Variants in SIN3B observed in about 807,000 individuals in gnomAD.
The protein encoded by SIN3B is paired amphipathic helix protein Sin3b.
Under a neutral mutation model 120.2 loss-of-function variants are expected in SIN3B, and 19 were observed. The ratio of observed to expected loss-of-function variants is 0.16; its 90% CI spans 0.11 to 0.23. SIN3B has a LOEUF of 0.23. SIN3B is among the 10% of genes least tolerant of loss of function. SIN3B has a pLI of 1.00. For synonymous variants in SIN3B, 654 were observed against 653.2 expected, an observed-to-expected ratio of 1.00 and a Z score of -0.02; for missense variants, 1,073 against 1,573.0, an observed-to-expected ratio of 0.68 and a Z score of 5.38.
intron 4 of SIN3B, among the ~76,000 whole-genome samples, chr19:16,844,813 G>T (rs1292922596): frequency 2.0e-5 from 3 of 152,236 alleles, no homozygotes. Flanking sequence ...CTGGTTTGTG[G>T]ATCTGGTGGC....
chr19:16,830,197 T>G (rs903371261), intron 2 of SIN3B, among the ~76,000 whole-genome samples: 1 of 152,212 alleles, frequency 6.6e-6, no homozygotes, highest in Non-Finnish European at 1.5e-5. Context: ...GATTTTTATA[T>G]TAGTTTTGTT....
chr19:16,832,160 C>G (rs894944429), intron 3 of SIN3B, among the ~76,000 whole-genome samples: 66 of 151,180 alleles, frequency 4.4e-4, no homozygotes, highest in African/African-American at 1.6e-3. Flanking sequence ...TGCTTTGGTC[C>G]CTTTTTTCTT....
At chr19:16,877,075 C>T (rs1051301775) in intron 16 of SIN3B, 10 of 190,726 alleles carry the variant, frequency 5.2e-5, no homozygotes, top group South Asian at 3.5e-4. Flanking sequence ...CTGCAGCTCC[C>T]GGCACCTGCC....
chr19:16,875,019 G>C (rs1365589093), intron 14 of SIN3B, among the ~76,000 whole-genome samples: 2 of 151,100 alleles, frequency 1.3e-5, no homozygotes, highest in Non-Finnish European at 2.9e-5. Flanking sequence ...GTTTTGGTTT[G>C]GTCTGGTTTG....
In SIN3B at chr19:16,831,527, G is replaced by T; in HGVS notation, c.261G>T (p.Ser87=). The T allele has an allele frequency of 6.2e-7, 1 of 1,613,980 alleles. No homozygotes were observed. The highest frequency in any genetic ancestry group is 2.2e-5 in the East Asian group (1 of 44,874). The change falls in exon 3 of 19, where the codon TCG becomes TCT. Residue 87 remains serine, a synonymous_variant. Transcript: ENST00000248054. The part of the protein sequence containing the change: ...IDTPGVIRRV[S]QLFHEHPDLI... ...CTCCTGGAGTCATCAGACGTGTCTCGCAGCTCTTCCACGAGCACCCTGACC... is the reference window on the plus strand; with the variant it reads ...CTCCTGGAGTCATCAGACGTGTCTCTCAGCTCTTCCACGAGCACCCTGACC...
At chr19:16,832,907 C>T (rs1160954516) in intron 3 of SIN3B, among the ~76,000 whole-genome samples, 3 of 152,180 alleles carry the variant, frequency 2.0e-5, no homozygotes, top group South Asian at 2.1e-4. Flanking sequence ...TGACCATTGT[C>T]ATTTTTTCCA....
Position 16,876,469 on chromosome 19 carries a change from G to T in SIN3B, c.2767-17G>T, listed in dbSNP as rs2051609184. 1.9e-6 allele frequency: 3 copies of T among 1,608,944 alleles called. No homozygotes were observed. In the African/African-American group the frequency reaches 4.0e-5, roughly 21 times the overall value. On this transcript the variant is annotated splice_polypyrimidine_tract_variant and intron_variant, in intron 15 of 18. Coordinates refer to ENST00000248054, the MANE Select transcript of SIN3B (RefSeq NM_001297595.2). The surrounding 1 kb of genome is among the most constrained non-coding windows in gnomAD (Gnocchi z 7.1). Reference sequence around the variant, plus strand: ...GCTGTGCCGGCAGTGGAGGCTGTCAGCGTTCCTGCTCCGCAGGTGATGTTC... The same window carrying T: ...GCTGTGCCGGCAGTGGAGGCTGTCATCGTTCCTGCTCCGCAGGTGATGTTC...
At chr19:16,875,418 T>G (rs936991835) in intron 14 of SIN3B, among the ~76,000 whole-genome samples, 2 of 143,998 alleles carry the variant, frequency 1.4e-5, no homozygotes, top group Admixed American at 1.4e-4. Context: ...TGGTCTGGTC[T>G]GGTCTGTTTG....
At chr19:16,850,670 A>C (rs1327467448) in intron 5 of SIN3B, among the ~76,000 whole-genome samples, 1 of 152,128 alleles carries the variant, frequency 6.6e-6, no homozygotes, top group Non-Finnish European at 1.5e-5. Context: ...AGAACGTTGT[A>C]GGGCCTCTCC....
In SIN3B at chr19:16,829,483, G is replaced by T; in HGVS notation, c.63G>T (p.Leu21=). 1 of 1,220,458 alleles carries T rather than the reference G, an allele frequency of 8.2e-7. No individual in the cohort carries two copies. Among genetic ancestry groups the T allele is most frequent in the Non-Finnish European group, 1.0e-6 (1 of 980,434 alleles). The allele number at this position is 1,220,458 out of a possible 1,614,324, so 75.6% of individuals were successfully genotyped here. A position where few individuals can be genotyped will look rare whatever the true frequency, so the allele number is the denominator to read the frequency against. Reference sequence around the variant, plus strand: ...CCGGCGGCCCCGCGGGCCGGGGGCTGAGCGGCGCCCGCTGGGGTCGCTCGG... The same window carrying T: ...CCGGCGGCCCCGCGGGCCGGGGGCTTAGCGGCGCCCGCTGGGGTCGCTCGG... ...SGAGGPAGRG[L]SGARWGRSGS... The change falls in exon 1 of 19, where the codon CTG becomes CTT. Residue 21 remains leucine (L), a synonymous_variant. Coordinates refer to ENST00000248054, the MANE Select transcript of SIN3B (RefSeq NM_001297595.2).
Position 16,877,475 on chromosome 19 carries a change from G to T in SIN3B, c.2860-70G>T, listed in dbSNP as rs140322786. 3.7e-5 allele frequency: 43 copies of T among 1,170,538 alleles called. No homozygotes were observed. The East Asian group carries it at 1.1e-3, about 30-fold the overall frequency. 72.5% of individuals were successfully genotyped at this position (1,170,538 alleles called of 1,614,324 possible). On this transcript the variant is annotated intron_variant, in intron 16 of 18. Coordinates refer to ENST00000248054, the MANE Select transcript of SIN3B (RefSeq NM_001297595.2). ...GAACCCCTGTGAGCTCCTGAACTCA[G>T]AGTCCAGAGTAAGAGTGGCCATAGC...
rs906148492 is a variant in SIN3B at position 16,873,130 on chromosome 19, G to C, written c.2592+1732G>C. ...TCCATCAGCTGGGAGTTCAAATCTC[G>C]GTGGGCTCACGTTGCATTTCCCTGA... On this transcript the variant is annotated intron_variant, in intron 14 of 18. Coordinates refer to ENST00000248054, the MANE Select transcript of SIN3B (RefSeq NM_001297595.2). 2.0e-5 allele frequency among the ~76,000 whole-genome samples: 3 copies of C among 152,092 alleles called. No homozygotes were observed. In the East Asian group the frequency reaches 5.8e-4, roughly 29 times the overall value.
At chr19:16,869,356 T>G (rs2051473897) in intron 12 of SIN3B, 104 bp from the exon 13 acceptor site, 1 of 1,420,028 alleles carries the variant, frequency 7.0e-7, no homozygotes, top group South Asian at 1.4e-5. Flanking sequence ...TGGGCAGCGC[T>G]CATCCACCTT....
intron 11 of SIN3B, 59 bp from the exon 12 acceptor site, chr19:16,866,314 G>A (rs1290761789): frequency 1.3e-6 from 2 of 1,522,692 alleles, no homozygotes; most frequent in African/African-American, 2.8e-5. Flanking sequence ...CCAGCCCTGG[G>A]ATGCTTCAGG....
At chr19:16,833,558 G>A (rs1474448029) in intron 3 of SIN3B, among the ~76,000 whole-genome samples, 3 of 151,430 alleles carry the variant, frequency 2.0e-5, no homozygotes, top group African/African-American at 7.3e-5. Context: ...CTTGAACCTG[G>A]GAGGCGGAGG....
intron 5 of SIN3B, among the ~76,000 whole-genome samples, chr19:16,850,058 C>T (rs1971525673): frequency 6.6e-6 from 1 of 151,850 alleles, no homozygotes; most frequent in South Asian, 2.1e-4. Flanking sequence ...AATTATTCCC[C>T]CCAAATAATT....
At position 16,866,436 on chromosome 19, in the gene SIN3B, G is replaced by A. The variant is rs141862862; in HGVS notation, c.1686G>A (p.Glu562=). The A allele has an allele frequency of 5.0e-6, 8 of 1,613,738 alleles. No individual in the cohort carries two copies. The highest frequency in any genetic ancestry group is 6.8e-6 in the Non-Finnish European group (8 of 1,180,004). ...AGGGCTTCAACAAGATCTGGCGGGA[G>A]CAGTATGAGAAGGCGTACCTCAAGT... The part of the protein sequence containing the change: ...AQQGFNKIWR[E]QYEKAYLKSL... The change falls in exon 12 of 19, where the codon GAG becomes GAA. Residue 562 remains glutamate, a synonymous_variant. Transcript: ENST00000248054.
chr19:16,868,632 A>AG (rs1568424294), intron 12 of SIN3B, among the ~76,000 whole-genome samples: 3 of 152,174 alleles, frequency 2.0e-5, no homozygotes, highest in Admixed American at 1.3e-4. Flanking sequence ...CACACGCAGG[A>AG]GGGAGCTTGG....
At position 16,876,248 on chromosome 19, in the gene SIN3B, T is replaced by C. The variant is rs1312790449; in HGVS notation, c.2766+20T>C. ...TTCAAGGTGAGAGGAGGCCTGGGGC[T>C]GGGAACACGCCGGGAGGCCCGGCCG... is the stretch of plus-strand genomic sequence containing the variant. On this transcript the variant is annotated intron_variant, in intron 15 of 18. Coordinates refer to ENST00000248054, the MANE Select transcript of SIN3B (RefSeq NM_001297595.2). The surrounding 1 kb of genome is among the most constrained non-coding windows in gnomAD (Gnocchi z 7.1). The C allele has an allele frequency of 6.2e-7, 1 of 1,600,328 alleles. No individual in the cohort carries two copies. Among genetic ancestry groups the C allele is most frequent in the Non-Finnish European group, 8.5e-7 (1 of 1,171,026 alleles).
Sources: allele counts gnomAD v4.1 joint callset (sites outside exome capture counted in the v4.1 genomes callset), GRCh38; gene constraint gnomAD v4.1.1; non-coding constraint Gnocchi (gnomAD v3.1); transcripts MANE v1.5; gene names NCBI Gene and HGNC (gene_info 2026-07-23, HGNC 2026-07-21).